DAPK1: variants seen among roughly 807,000 people sequenced by gnomAD.
The protein encoded by DAPK1 is death associated protein kinase 1.
Under a neutral mutation model 144.9 loss-of-function variants are expected in DAPK1, and 56 were observed. The observed-to-expected ratio is 0.39, with a 90% confidence interval of 0.31 to 0.48. The LOEUF (loss-of-function observed/expected upper bound fraction) is 0.48. DAPK1 is among the 20% of genes least tolerant of loss of function. The probability of loss-of-function intolerance (pLI) is 0.95; values close to 1 mark genes in which losing one functional copy is unlikely to be tolerated. For synonymous variants in DAPK1, 690 were observed against 749.0 expected (o/e 0.92, Z 1.29); for missense variants, 1,454 against 1,875.4 (o/e 0.78, Z 4.15).
At chr9:87,613,347 T>G (rs1587770105) in intron 3 of DAPK1, among the ~76,000 whole-genome samples, 1 of 152,228 alleles carries the variant, frequency 6.6e-6, no homozygotes, top group Non-Finnish European at 1.5e-5. Context: ...GCTGTGCCTA[T>G]TGAACAACTC....
At chr9:87,534,512 C>T (rs569145239) in intron 2 of DAPK1, among the ~76,000 whole-genome samples, 21 of 152,184 alleles carry the variant, frequency 1.4e-4, no homozygotes, top group Non-Finnish European at 2.4e-4. Context: ...ACCTGAGGAT[C>T]AGCAAAAATC....
chr9:87,510,757 AC>A (rs1329866187), intron 2 of DAPK1, among the ~76,000 whole-genome samples: 4 of 152,136 alleles, frequency 2.6e-5, no homozygotes, highest in African/African-American at 9.7e-5. Flanking sequence ...AGGGCTTTGG[AC>A]CCAAATCCCT....
At chr9:87,498,597 G>C (rs1171265436) in intron 1 of DAPK1, 2 of 285,710 alleles carry the variant, frequency 7.0e-6, no homozygotes, top group Non-Finnish European at 1.3e-5. Flanking sequence ...GGCGCGTACC[G>C]TCTGGGCGAG....
At chr9:87,527,932 ATCC>A (rs1825572525) in intron 2 of DAPK1, among the ~76,000 whole-genome samples, 1 of 152,252 alleles carries the variant, frequency 6.6e-6, no homozygotes, top group Admixed American at 6.5e-5. Context: ...GAAGTCATTA[ATCC>A]TCCTTTCTAC....
At chr9:87,611,174 A>T (rs1468928) in intron 3 of DAPK1, among the ~76,000 whole-genome samples, 60,864 of 151,300 alleles carry the variant, frequency 0.4, 14,236 homozygotes, top group African/African-American at 0.66. Context: ...TGATTTTTTT[A>T]AAAAATATAC....
At chr9:87,636,341 C>A (rs983188424) in intron 3 of DAPK1, among the ~76,000 whole-genome samples, 1 of 152,184 alleles carries the variant, frequency 6.6e-6, no homozygotes, top group Non-Finnish European at 1.5e-5. Flanking sequence ...TGCCAGGCCC[C>A]TGGGGATAGG....
chr9:87,668,620 T>C lies in DAPK1; in HGVS notation c.1947T>C (p.Leu649=). 1 of 1,475,346 alleles carries C rather than the reference T, an allele frequency of 6.8e-7. No homozygotes were observed. Among genetic ancestry groups the C allele is most frequent in the Non-Finnish European group, 9.5e-7 (1 of 1,053,338 alleles). The allele number at this position is 1,475,346 out of a possible 1,614,324, so 91.4% of individuals were successfully genotyped here. A position where few individuals can be genotyped will look rare whatever the true frequency, so the allele number is the denominator to read the frequency against. Reference sequence around the variant, plus strand: ...AGGACGGAAAGACGGCAGAAGATCTTGCTAGATCGGAACAGCACGAGCACG... The same window carrying C: ...AGGACGGAAAGACGGCAGAAGATCTCGCTAGATCGGAACAGCACGAGCACG... The part of the protein sequence containing the change: ...LTTDGKTAED[L]ARSEQHEHVA... Residue 649 remains leucine, a synonymous_variant, in exon 19 of 26, where the codon CTT becomes CTC. Coordinates refer to ENST00000408954, the MANE Select transcript of DAPK1 (RefSeq NM_004938.4).
At chr9:87,696,146 A>G (rs538451413) in intron 21 of DAPK1, among the ~76,000 whole-genome samples, 3 of 102,240 alleles carry the variant, frequency 2.9e-5, no homozygotes, top group East Asian at 5.9e-4. Context: ...AGGGGGAGTA[A>G]TACAAAATAT....
chr9:87,541,547 TGG>T (rs1826053516), intron 2 of DAPK1, among the ~76,000 whole-genome samples: 1 of 111,232 alleles, frequency 9.0e-6, no homozygotes, highest in Non-Finnish European at 1.9e-5. Flanking sequence ...AGACTCTGTC[TGG>T]AAAAAAAAAA....
intron 2 of DAPK1, among the ~76,000 whole-genome samples, chr9:87,519,980 C>A (rs1338581351): frequency 2.6e-5 from 4 of 151,028 alleles, no homozygotes; most frequent in Non-Finnish European, 5.9e-5. Flanking sequence ...GTCTGAAATG[C>A]TGTGACTTTT....
chr9:87,498,635 A>T (rs1319179955), intron 1 of DAPK1: 4 of 333,900 alleles, frequency 1.2e-5, no homozygotes, highest in Non-Finnish European at 2.2e-5. Context: ...GCGTCCCTGG[A>T]GGTGGGAAAG....
chr9:87,705,223 T>A (rs1003776481), intron 25 of DAPK1, among the ~76,000 whole-genome samples: 6 of 149,888 alleles, frequency 4.0e-5, no homozygotes, highest in Non-Finnish European at 7.4e-5. Context: ...TTATTTATTT[T>A]TTTAATTAAT....
chr9:87,702,971 C>G (rs76546943), intron 24 of DAPK1, 58 bp from the exon 25 acceptor site: 1 of 796,464 alleles, frequency 1.3e-6, no homozygotes, highest in Non-Finnish European at 2.2e-6. Context: ...CACTGTGGCT[C>G]TGCTCAGGGC....
Position 87,707,610 on chromosome 9 carries a change from G to A in DAPK1, c.*246G>A. ...ATCTTTTACTTTGGCCGCTTGAAAA[G>A]CTAGTGTACCTCCTCTCAGTGTTTT... On this transcript the variant is annotated 3_prime_UTR_variant, in exon 26 of 26. Transcript: ENST00000408954. This position sits in a 1 kb window ranked among gnomAD's most constrained non-coding sequence, Gnocchi z 4.0. 1 of 549,102 alleles carries A rather than the reference G, an allele frequency of 1.8e-6. No individual in the cohort carries two copies. The highest frequency in any genetic ancestry group is 3.3e-6 in the Non-Finnish European group (1 of 307,618). 34.0% of individuals were successfully genotyped at this position (549,102 alleles called of 1,614,324 possible).
intron 2 of DAPK1, among the ~76,000 whole-genome samples, chr9:87,548,813 G>A (rs573071409): frequency 2.7e-5 from 4 of 150,500 alleles, no homozygotes; most frequent in Non-Finnish European, 5.9e-5. Flanking sequence ...TGAAGATCTG[G>A]TTCTGTTTTG....
chr9:87,577,758 ACTG>A (rs1287429970), intron 2 of DAPK1, among the ~76,000 whole-genome samples: 1 of 152,202 alleles, frequency 6.6e-6, no homozygotes, highest in African/African-American at 2.4e-5. Context: ...AGATTGTGCC[ACTG>A]CACCCCAGTG....
intron 3 of DAPK1, among the ~76,000 whole-genome samples, chr9:87,635,331 C>G (rs1485998227): frequency 6.6e-6 from 1 of 152,118 alleles, no homozygotes; most frequent in African/African-American, 2.4e-5. Flanking sequence ...GGCAGCCAAA[C>G]TCCTGACGTT....
chr9:87,547,693 G>A (rs974358954), intron 2 of DAPK1, among the ~76,000 whole-genome samples: 1 of 151,928 alleles, frequency 6.6e-6, no homozygotes, highest in Non-Finnish European at 1.5e-5. Context: ...GGGGTAGTCG[G>A]GGCAGGGGTG....
intron 2 of DAPK1, among the ~76,000 whole-genome samples, chr9:87,584,726 G>C (rs1251423443): frequency 6.6e-6 from 1 of 151,956 alleles, no homozygotes; most frequent in African/African-American, 2.4e-5. Context: ...GACCAGGCTG[G>C]AGTGCAGTGG....
Sources: allele counts gnomAD v4.1 joint callset (sites outside exome capture counted in the v4.1 genomes callset), GRCh38; gene constraint gnomAD v4.1.1; non-coding constraint Gnocchi (gnomAD v3.1); transcripts MANE v1.5; gene names NCBI Gene and HGNC (gene_info 2026-07-23, HGNC 2026-07-21).